The following PHKA1 variants were observed in gnomAD, a reference collection of about 807,000 sequenced individuals.
PHKA1 encodes the protein phosphorylase kinase regulatory subunit alpha 1.
A neutral mutation model predicts 110.2 loss-of-function variants in PHKA1; 60 were observed. The observed-to-expected ratio is 0.54, with a 90% confidence interval of 0.44 to 0.68. The LOEUF (loss-of-function observed/expected upper bound fraction) is 0.68. Among genes scored for constraint, PHKA1 ranks in the 30% least tolerant of loss-of-function variants. The probability of loss-of-function intolerance (pLI) is 0.00; values close to 1 mark genes in which losing one functional copy is unlikely to be tolerated. For synonymous variants in PHKA1, 316 were observed against 333.6 expected (o/e 0.95, Z 0.58); for missense variants, 801 against 942.5 (o/e 0.85, Z 1.97).
chrX:72,599,761 A>G, intron 28 of PHKA1: 1 of 491,783 alleles, frequency 2.0e-6, no homozygotes, highest in Non-Finnish European at 3.7e-6. Flanking sequence ...GATTTATATA[A>G]GAGCATATTC....
At chrX:72,643,272 C>T (rs1366521787) in intron 14 of PHKA1, among the ~76,000 whole-genome samples, 6 of 111,204 alleles carry the variant, frequency 5.4e-5, no homozygotes, top group Admixed American at 2.9e-4. Context: ...CACACACGCG[C>T]GCACACACAT....
At position 72,684,585 on chromosome X, in the gene PHKA1, G is replaced by A. The variant is rs782092158; in HGVS notation, c.455-5C>T. On this transcript the variant is annotated splice_region_variant and splice_polypyrimidine_tract_variant and intron_variant, in intron 4 of 31. Transcript: ENST00000373542. Reference sequence around the variant, plus strand: ...GGCTGTGGATGATATGGAGTCCTGAGGAAAGAGGGAATAAAGATACAGAAC... The same window carrying A: ...GGCTGTGGATGATATGGAGTCCTGAAGAAAGAGGGAATAAAGATACAGAAC... The A allele has an allele frequency of 3.7e-6, 4 of 1,089,844 alleles. No homozygotes were observed. Among genetic ancestry groups the A allele is most frequent in the Non-Finnish European group, 5.1e-6 (4 of 785,672 alleles). The allele number at this position is 1,089,844 out of a possible 1,213,427, so 89.8% of individuals were successfully genotyped here. A position where few individuals can be genotyped will look rare whatever the true frequency, so the allele number is the denominator to read the frequency against.
At chrX:72,608,848 G>T (rs1378500722) in intron 23 of PHKA1, among the ~76,000 whole-genome samples, 2 of 111,364 alleles carry the variant, frequency 1.8e-5, no homozygotes, top group African/African-American at 6.5e-5. Context: ...CAAGCAGGGG[G>T]GAATACCCTT....
intron 28 of PHKA1, among the ~76,000 whole-genome samples, chrX:72,598,829 T>C (rs1556237902): frequency 9.0e-6 from 1 of 111,267 alleles, no homozygotes; most frequent in African/African-American, 3.3e-5. Context: ...AGAAAATAAC[T>C]TCTCACGTTT....
At chrX:72,632,960 A>G (rs1603260093) in intron 16 of PHKA1, among the ~76,000 whole-genome samples, 1 of 112,267 alleles carries the variant, frequency 8.9e-6, no homozygotes, top group South Asian at 3.8e-4. Context: ...ATGTGACCAC[A>G]TATCAAGTAC....
intron 10 of PHKA1, among the ~76,000 whole-genome samples, chrX:72,654,658 C>T (rs1400291898): frequency 8.1e-5 from 9 of 111,617 alleles, no homozygotes; most frequent in Non-Finnish European, 1.7e-4. Flanking sequence ...TAACTATTTA[C>T]CATGTATAAA....
At chrX:72,610,656 T>C (rs888184791) in intron 22 of PHKA1, among the ~76,000 whole-genome samples, 4 of 111,482 alleles carry the variant, frequency 3.6e-5, no homozygotes, top group Non-Finnish European at 7.5e-5. Context: ...GACTGCTGGA[T>C]CCCATGGTAG....
intron 3 of PHKA1, chrX:72,697,191 A>G (rs2054133180): frequency 1.8e-5 from 2 of 110,948 alleles, no homozygotes; most frequent in Admixed American, 1.9e-4. Flanking sequence ...CCTGAGACCC[A>G]TCATTATGTA....
At chrX:72,683,310 T>C (rs782142535) in intron 5 of PHKA1, among the ~76,000 whole-genome samples, 2 of 111,574 alleles carry the variant, frequency 1.8e-5, no homozygotes, top group South Asian at 3.8e-4. Context: ...TGGTGGCGTA[T>C]ACCTTTAGTC....
At chrX:72,584,184 A>G in intron 30 of PHKA1, 65 bp downstream of exon 30, 1 of 865,171 alleles carries the variant, frequency 1.2e-6, no homozygotes, top group South Asian at 2.0e-5. Flanking sequence ...AAAGTAAGTG[A>G]TCACTGGGAT....
Position 72,657,601 on chromosome X carries a change from T to C in PHKA1, c.905A>G (p.Lys302Arg), listed in dbSNP as rs782088303. The C allele has an allele frequency of 2.5e-6, 3 of 1,208,813 alleles. No individual in the cohort carries two copies. In the South Asian group the frequency reaches 5.3e-5, roughly 21 times the overall value. ...GCCRFLRDGYKTPKEDPNRLY... is the reference protein window; with the variant it reads ...GCCRFLRDGYRTPKEDPNRLY... Reference sequence around the variant, plus strand: ...AAAGAAACCTACCTCTTTAGGAGTTTTATATCCATCTCGTAGAAAGCGACA... The same window carrying C: ...AAAGAAACCTACCTCTTTAGGAGTTCTATATCCATCTCGTAGAAAGCGACA... Residue 302 changes from lysine (K) to arginine (R), a missense_variant, in exon 9 of 32, where the codon AAA becomes AGA. Transcript: ENST00000373542.
chrX:72,703,471 G>T (rs1261426077), intron 3 of PHKA1, among the ~76,000 whole-genome samples: 1 of 110,992 alleles, frequency 9.0e-6, no homozygotes, highest in Non-Finnish European at 1.9e-5. Context: ...TTGAGCCCAG[G>T]AGTTTGAGAC....
intron 13 of PHKA1, among the ~76,000 whole-genome samples, chrX:72,644,962 A>T (rs1223887495): frequency 1.8e-5 from 2 of 111,710 alleles, no homozygotes; most frequent in African/African-American, 6.5e-5. Flanking sequence ...TGAATTGGGG[A>T]TAACAATTTG....
intron 14 of PHKA1, among the ~76,000 whole-genome samples, chrX:72,639,630 G>A (rs1209153909): frequency 1.8e-5 from 2 of 112,006 alleles, no homozygotes; most frequent in Non-Finnish European, 3.8e-5. Context: ...TATAGGTAAT[G>A]CCTACCTGCC....
At chrX:72,582,761 T>C (rs1556204936) in intron 30 of PHKA1, among the ~76,000 whole-genome samples, 163 bp from the exon 31 acceptor site, 1 of 112,126 alleles carries the variant, frequency 8.9e-6, no homozygotes, top group Non-Finnish European at 1.9e-5. Context: ...TGGAGGGCAA[T>C]CTGGCAACGC....
intron 16 of PHKA1, among the ~76,000 whole-genome samples, chrX:72,631,227 G>T (rs1291930733): frequency 1.8e-5 from 2 of 111,200 alleles, no homozygotes; most frequent in Non-Finnish European, 3.8e-5. Flanking sequence ...AAGTGTGATT[G>T]TAATTGTGTG....
At chrX:72,610,898 A>G (rs2052799222) in intron 22 of PHKA1, 130 bp downstream of exon 22, 1 of 486,978 alleles carries the variant, frequency 2.1e-6, no homozygotes, top group Non-Finnish European at 3.6e-6. Context: ...AGAACTGAAT[A>G]TCAAATTTTA....
intron 28 of PHKA1, among the ~76,000 whole-genome samples, chrX:72,601,519 T>C (rs1038789244): frequency 1.8e-5 from 2 of 110,690 alleles, no homozygotes; most frequent in Non-Finnish European, 3.8e-5. Flanking sequence ...CTGGGGGTGG[T>C]AGAAGATGAG....
chrX:72,623,129 T>C lies in PHKA1; in HGVS notation c.1940A>G (p.Asp647Gly). Reference protein sequence around the residue: ...DYLESGNWMNDYDSTSHARCG... With the variant: ...DYLESGNWMNGYDSTSHARCG... ...CTTACCATGACTGGTTGAATCATAATCATTCATCCAGTTGCCAGATTCCAG... is the reference window on the plus strand; with the variant it reads ...CTTACCATGACTGGTTGAATCATAACCATTCATCCAGTTGCCAGATTCCAG... Residue 647 changes from aspartate to glycine, a missense_variant, in exon 18 of 32, where the codon GAT (aspartate) becomes GGT (glycine). Around this residue, in one of 2 missense-constraint regions of PHKA1, gnomAD observed 502 missense variants for 519.2 expected, o/e 0.97. Transcript: ENST00000373542. The C allele has an allele frequency of 8.3e-7, 1 of 1,211,462 alleles. No individual in the cohort carries two copies. The highest frequency in any genetic ancestry group is 2.3e-4 in the Middle Eastern group (1 of 4,353).
Sources: gnomAD v4.1 joint callset for allele counts (sites outside exome capture counted in the v4.1 genomes callset) on GRCh38, gnomAD v4.1.1 for gene constraint, gnomAD v4.1.1 regional missense constraint, MANE v1.5 for transcripts, NCBI Gene and HGNC (gene_info 2026-07-23, HGNC 2026-07-21) for gene names.